The following OVOL2 variants were observed in gnomAD, a reference collection of about 807,000 sequenced individuals.
OVOL2 encodes transcription factor Ovo-like 2.
OVOL2 carries 13 observed loss-of-function variants against 18.1 expected under a neutral mutation model. That is an observed-to-expected ratio of 0.72 (90% CI 0.47 to 1.14). The LOEUF (loss-of-function observed/expected upper bound fraction) is 1.14. OVOL2 is among the 50% of genes most tolerant of loss of function. The probability of loss-of-function intolerance (pLI) is 0.00; values close to 1 mark genes in which losing one functional copy is unlikely to be tolerated. For missense variants in OVOL2, 335 were observed against 383.0 expected (o/e 0.87, Z 1.05); for synonymous variants, 166 against 162.7 (o/e 1.02, Z -0.16).
chr20:18,024,806 C>A lies in OVOL2; in HGVS notation c.658G>T (p.Gly220Cys). The change falls in exon 4 of 4, where the codon GGC becomes TGC. Residue 220 changes from glycine to cysteine, a missense_variant. Coordinates refer to ENST00000278780, the MANE Select transcript of OVOL2 (RefSeq NM_021220.4). ...RDKLYVCEDC[G>C]YTGPTQEDLY... is the part of the protein sequence containing the mutation. ...TCCTCCTGGGTGGGGCCCGTGTAGC[C>A]GCAATCCTCGCAGACGTAGAGCTTG... 1.2e-6 allele frequency: 2 copies of A among 1,614,166 alleles called. No individual in the cohort carries two copies. Among genetic ancestry groups the A allele is most frequent in the Non-Finnish European group, 1.7e-6 (2 of 1,180,048 alleles).
At chr20:18,036,331 CT>C (rs1275904750) in intron 3 of OVOL2, among the ~76,000 whole-genome samples, 1 of 152,124 alleles carries the variant, frequency 6.6e-6, no homozygotes, top group East Asian at 1.9e-4. Context: ...ATTTTTACAC[CT>C]TCTTTTTTTG....
intron 3 of OVOL2, among the ~76,000 whole-genome samples, chr20:18,032,197 AAAGGAAAGAAGG>A (rs1290915624): frequency 3.9e-5 from 6 of 151,924 alleles, no homozygotes; most frequent in South Asian, 2.1e-4. Flanking sequence ...GAAATGAAAG[AAAGGAAAGAAGG>A]AAGGAAAGAA....
At chr20:18,039,264 G>A (rs1057051039) in intron 3 of OVOL2, among the ~76,000 whole-genome samples, 1 of 152,140 alleles carries the variant, frequency 6.6e-6, no homozygotes, top group Non-Finnish European at 1.5e-5. Context: ...ATTTGCTGAG[G>A]TCGGCACTTA....
intron 2 of OVOL2, among the ~76,000 whole-genome samples, chr20:18,047,476 C>T (rs1837963470): frequency 6.7e-6 from 1 of 149,032 alleles, no homozygotes; most frequent in Admixed American, 6.7e-5. Context: ...TGCCGTTGCA[C>T]TCCAGCCTGG....
intron 2 of OVOL2, among the ~76,000 whole-genome samples, chr20:18,054,731 AC>A (rs2036801190): frequency 6.9e-6 from 1 of 145,720 alleles, no homozygotes; most frequent in Non-Finnish European, 1.5e-5. Context: ...CAGCCATTGC[AC>A]TCCAGCCTGG....
rs1248465241 is a variant in OVOL2, at chr20:18,056,483, C to G, written c.321+174G>C. Among the ~76,000 whole-genome samples, 2 of 151,144 alleles carry G rather than the reference C, an allele frequency of 1.3e-5. No individual in the cohort carries two copies. The highest frequency in any genetic ancestry group is 3.0e-5 in the Non-Finnish European group (2 of 67,748). ...CAGCTACCCTGCGGGCGGGAGGACG[C>G]GCCGAGGCGCCCTGGCCGCCGCCCA... On this transcript the variant is annotated intron_variant, in intron 2 of 3. Coordinates refer to ENST00000278780, the MANE Select transcript of OVOL2 (RefSeq NM_021220.4). The surrounding 1 kb of genome is among the most constrained non-coding windows in gnomAD (Gnocchi z 4.2).
At chr20:18,040,688 G>T (rs2036659991) in intron 3 of OVOL2, among the ~76,000 whole-genome samples, 1 of 152,192 alleles carries the variant, frequency 6.6e-6, no homozygotes, top group South Asian at 2.1e-4. Context: ...ACTGGAACTG[G>T]GGAGAACCTG....
At chr20:18,047,853 C>CAAAA (rs34668253) in intron 2 of OVOL2, among the ~76,000 whole-genome samples, 1,065 of 45,332 alleles carry the variant, frequency 0.023, 106 homozygotes, top group African/African-American at 0.073. Flanking sequence ...GACTCCGTCT[C>CAAAA]AAAAAAAAAA....
At chr20:18,050,962 G>C (rs1470043579) in intron 2 of OVOL2, among the ~76,000 whole-genome samples, 1 of 152,080 alleles carries the variant, frequency 6.6e-6, no homozygotes, top group Non-Finnish European at 1.5e-5. Context: ...AGTCTGTCTT[G>C]GGAGACAAAA....
At position 18,024,714 on chromosome 20, in the gene OVOL2, C is replaced by T. The variant is rs2036494196; in HGVS notation, c.750G>A (p.Leu250=). 1.9e-6 allele frequency: 3 copies of T among 1,613,996 alleles called. No individual in the cohort carries two copies. The highest frequency in any genetic ancestry group is 2.5e-6 in the Non-Finnish European group (3 of 1,180,040). ...SSFLKKTSKK[L]AALLQGKLTS... is the part of the protein sequence containing the mutation. ...TCAGCTTGCCCTGCAGAAGGGCTGC[C>T]AGTTTTTTAGATGTCTTTTTGAGAA... Residue 250 remains leucine (L), a synonymous_variant, in exon 4 of 4, where the codon CTG becomes CTA. Coordinates refer to ENST00000278780, the MANE Select transcript of OVOL2 (RefSeq NM_021220.4).
chr20:18,033,197 G>A (rs1038657433), intron 3 of OVOL2, among the ~76,000 whole-genome samples: 1 of 152,214 alleles, frequency 6.6e-6, no homozygotes. Context: ...ATCAAGATGG[G>A]ATTTGTGTGC....
At chr20:18,042,252 C>A (rs2122711130) in intron 2 of OVOL2, among the ~76,000 whole-genome samples, 1 of 152,158 alleles carries the variant, frequency 6.6e-6, no homozygotes, top group East Asian at 1.9e-4. Flanking sequence ...TTCCTTAGAA[C>A]AAACCTCTGA....
At chr20:18,038,258 C>G (rs918916369) in intron 3 of OVOL2, among the ~76,000 whole-genome samples, 1 of 152,222 alleles carries the variant, frequency 6.6e-6, no homozygotes, top group Admixed American at 6.5e-5. Flanking sequence ...CCTCTGCCAA[C>G]TGTTGCAATT....
upstream of OVOL2, chr20:18,059,152 C>T (rs1457621063): frequency 1.3e-5 from 2 of 152,312 alleles, no homozygotes; most frequent in African/African-American, 4.8e-5. Context: ...TTCCCTGTTC[C>T]CTTCCGCCCT....
At chr20:18,037,794 A>G (rs1009686439) in intron 3 of OVOL2, among the ~76,000 whole-genome samples, 2 of 152,186 alleles carry the variant, frequency 1.3e-5, no homozygotes, top group African/African-American at 4.8e-5. Context: ...CGCTGCCCGT[A>G]GTGATAACCC....
chr20:18,042,455 A>G (rs868591013), intron 2 of OVOL2, among the ~76,000 whole-genome samples: 5 of 152,008 alleles, frequency 3.3e-5, no homozygotes, highest in African/African-American at 7.2e-5. Context: ...TCTTACTCTC[A>G]TCAGTTCATG....
chr20:18,050,932 A>T (rs1328755105), intron 2 of OVOL2, among the ~76,000 whole-genome samples: 1 of 152,194 alleles, frequency 6.6e-6, no homozygotes, highest in Non-Finnish European at 1.5e-5. Context: ...GTTACAGTGG[A>T]GCAGGGGGAG....
intron 2 of OVOL2, among the ~76,000 whole-genome samples, chr20:18,046,457 C>G: frequency 6.6e-6 from 1 of 152,218 alleles, no homozygotes; most frequent in East Asian, 1.9e-4. Context: ...AGACTCCAGC[C>G]TCAGCCGCCA....
At chr20:18,046,614 T>C (rs6075279) in intron 2 of OVOL2, among the ~76,000 whole-genome samples, 1 of 151,980 alleles carries the variant, frequency 6.6e-6, no homozygotes, top group Non-Finnish European at 1.5e-5. Flanking sequence ...AATAAACGTA[T>C]CATTCTCTCC....
Sources: allele counts gnomAD v4.1 joint callset (sites outside exome capture counted in the v4.1 genomes callset), GRCh38; gene constraint gnomAD v4.1.1; non-coding constraint Gnocchi (gnomAD v3.1); transcripts MANE v1.5; gene names NCBI Gene and HGNC (gene_info 2026-07-23, HGNC 2026-07-21).